The following GLRA1 variants were observed in gnomAD, a reference collection of about 807,000 sequenced individuals.
GLRA1 encodes the protein glycine receptor alpha 1, also known as glycine receptor subunit alpha-1.
A neutral mutation model predicts 48.3 loss-of-function variants in GLRA1; 37 were observed. That is an observed-to-expected ratio of 0.77 (90% CI 0.59 to 1.01). GLRA1 has a LOEUF of 1.01. Ranked by LOEUF, GLRA1 falls within the 50% of genes least tolerant of loss-of-function variation. The pLI is 0.00. For synonymous variants in GLRA1, 196 were observed against 210.7 expected (o/e 0.93, Z 0.60); for missense variants, 427 against 571.0 (o/e 0.75, Z 2.57).
chr5:151,850,801 A>T (rs6896518), intron 7 of GLRA1: 333,583 of 816,294 alleles, frequency 0.41, 70,085 homozygotes, highest in African/African-American at 0.56. Context: ...CTAAGTGGAC[A>T]AGACCTCCAG....
At chr5:151,857,196 C>G (rs1753070662) in intron 4 of GLRA1, among the ~76,000 whole-genome samples, 1 of 152,260 alleles carries the variant, frequency 6.6e-6, no homozygotes, top group East Asian at 1.9e-4. Context: ...AGACAAAGCC[C>G]CCGATGGCTG....
At chr5:151,850,756 A>G in intron 7 of GLRA1, 1 of 1,029,060 alleles carries the variant, frequency 9.7e-7, no homozygotes, top group Non-Finnish European at 1.5e-6. Flanking sequence ...GTGTCTTCTC[A>G]ATGAAACCGG....
At chr5:151,878,448 A>T (rs1181021570) in intron 3 of GLRA1, among the ~76,000 whole-genome samples, 1 of 152,256 alleles carries the variant, frequency 6.6e-6, no homozygotes, top group Non-Finnish European at 1.5e-5. Flanking sequence ...AATTGAAGCC[A>T]GCTGAAGAAA....
intron 8 of GLRA1, among the ~76,000 whole-genome samples, chr5:151,824,919 C>G (rs1013771259): frequency 6.6e-6 from 1 of 152,162 alleles, no homozygotes; most frequent in Admixed American, 6.5e-5. Context: ...CAAATGTTTA[C>G]TTGTATATCT....
chr5:151,924,757 A>G lies in GLRA1; in HGVS notation c.-208T>C. ...GACAGCGGCGGCTGCGAGGCGTTTC[A>G]GCACCACGGAGAGCGTCCAGACCTG... is the stretch of plus-strand genomic sequence containing the variant. On this transcript the variant is annotated 5_prime_UTR_variant, in exon 1 of 9. Coordinates refer to ENST00000274576, the MANE Select transcript of GLRA1 (RefSeq NM_000171.4). 1.6e-6 allele frequency: 1 copy of G among 640,108 alleles called. No homozygotes were observed. The highest frequency in any genetic ancestry group is 1.8e-5 in the South Asian group (1 of 56,326). 39.7% of individuals were successfully genotyped at this position (640,108 alleles called of 1,614,324 possible).
intron 1 of GLRA1, among the ~76,000 whole-genome samples, chr5:151,924,094 G>T (rs772828348): frequency 6.6e-6 from 1 of 152,178 alleles, no homozygotes; most frequent in Non-Finnish European, 1.5e-5. Flanking sequence ...TTTCGGCACT[G>T]CGGTTAGGGA....
chr5:151,919,679 T>C (rs1754827300), intron 1 of GLRA1, among the ~76,000 whole-genome samples: 1 of 152,264 alleles, frequency 6.6e-6, no homozygotes. Context: ...TTTTAGAACG[T>C]GATTGGCCAA....
At chr5:151,909,978 A>G (rs1754569928) in intron 1 of GLRA1, among the ~76,000 whole-genome samples, 2 of 152,124 alleles carry the variant, frequency 1.3e-5, no homozygotes. Context: ...TGATGAGAGT[A>G]TGTACCATCC....
chr5:151,921,301 A>G (rs1449082079), intron 1 of GLRA1, among the ~76,000 whole-genome samples: 1 of 152,158 alleles, frequency 6.6e-6, no homozygotes, highest in Non-Finnish European at 1.5e-5. Flanking sequence ...TCCTCGTTAT[A>G]ATTACTACAT....
intron 4 of GLRA1, among the ~76,000 whole-genome samples, chr5:151,857,250 A>G (rs1279307303): frequency 2.0e-5 from 3 of 152,228 alleles, no homozygotes; most frequent in Non-Finnish European, 4.4e-5. Flanking sequence ...TGGACAACTC[A>G]TGTTTATTAA....
intron 1 of GLRA1, among the ~76,000 whole-genome samples, chr5:151,897,455 G>GTT (rs202217569): frequency 6.8e-6 from 1 of 147,330 alleles, no homozygotes; most frequent in Non-Finnish European, 1.5e-5. Context: ...AAATGATGCA[G>GTT]TTTTTTTTTT....
chr5:151,850,517 C>T (rs971765275), intron 7 of GLRA1: 29 of 1,002,986 alleles, frequency 2.9e-5, no homozygotes, highest in Non-Finnish European at 4.3e-5. Flanking sequence ...GCAGTGGCAC[C>T]AGTACCACAT....
At chr5:151,853,412 A>ATTTTTTTTT (rs57264480) in intron 6 of GLRA1, among the ~76,000 whole-genome samples, 2 of 140,906 alleles carry the variant, frequency 1.4e-5, no homozygotes, top group Non-Finnish European at 3.1e-5. Flanking sequence ...TGCCCAACTA[A>ATTTTTTTTT]TTTTTTTTTT....
chr5:151,823,175 A>G (rs138227087), intron 8 of GLRA1, among the ~76,000 whole-genome samples: 195 of 151,200 alleles, frequency 1.3e-3, no homozygotes, highest in Middle Eastern at 0.01. Context: ...GATGCAAAAC[A>G]GGGGATAGGA....
At chr5:151,910,704 C>T (rs1435488356) in intron 1 of GLRA1, among the ~76,000 whole-genome samples, 3 of 152,212 alleles carry the variant, frequency 2.0e-5, no homozygotes, top group African/African-American at 7.2e-5. Flanking sequence ...CTCCAACCTG[C>T]CCATCTCCTA....
At chr5:151,823,778 G>GTCCCTTCC (rs1190249203) in intron 8 of GLRA1, among the ~76,000 whole-genome samples, 3 of 152,016 alleles carry the variant, frequency 2.0e-5, no homozygotes, top group African/African-American at 7.2e-5. Context: ...GCCTTCTCAC[G>GTCCCTTCC]TCCCTTCCTT....
chr5:151,876,407 T>C (rs1375565132), intron 3 of GLRA1, among the ~76,000 whole-genome samples: 2 of 152,044 alleles, frequency 1.3e-5, no homozygotes, highest in African/African-American at 2.4e-5. Flanking sequence ...CCGATCAGTT[T>C]AGAAAAAAAG....
intron 6 of GLRA1, among the ~76,000 whole-genome samples, chr5:151,854,008 A>G (rs1397076715): frequency 6.6e-6 from 1 of 152,210 alleles, no homozygotes; most frequent in African/African-American, 2.4e-5. Flanking sequence ...CACGTTGCAT[A>G]CCTTCGATAT....
chr5:151,855,451 C>A (rs1753015290), intron 5 of GLRA1, among the ~76,000 whole-genome samples: 1 of 152,184 alleles, frequency 6.6e-6, no homozygotes. Context: ...TGGACATCTG[C>A]TATTTTCACC....
Sources: gnomAD v4.1 joint callset for allele counts (sites outside exome capture counted in the v4.1 genomes callset) on GRCh38, gnomAD v4.1.1 for gene constraint, MANE v1.5 for transcripts, NCBI Gene and HGNC (gene_info 2026-07-23, HGNC 2026-07-21) for gene names.